The following RAB8B variants were observed in gnomAD, a reference collection of about 807,000 sequenced individuals.
RAB8B encodes the protein ras-related protein Rab-8B.
In RAB8B, 11 loss-of-function variants were observed where a neutral mutation model predicts 32.0. The ratio of observed to expected loss-of-function variants is 0.34; its 90% CI spans 0.22 to 0.57. The LOEUF (loss-of-function observed/expected upper bound fraction) is 0.57, where lower values mean the gene tolerates loss of function less well. RAB8B is among the 20% of genes least tolerant of loss of function. The probability of loss-of-function intolerance (pLI) is 0.86; values close to 1 mark genes in which losing one functional copy is unlikely to be tolerated. For synonymous variants in RAB8B, 103 were observed against 89.6 expected (o/e 1.15, Z -0.85); for missense variants, 190 against 258.5 (o/e 0.73, Z 1.82).
chr15:63,228,699 T>A (rs879062065), intron 1 of RAB8B, among the ~76,000 whole-genome samples: 7 of 152,228 alleles, frequency 4.6e-5, no homozygotes, highest in Admixed American at 2.0e-4. Flanking sequence ...AGATGGAGTG[T>A]GTGAATTAGT....
chr15:63,245,196 C>G (rs1192633607), intron 2 of RAB8B, among the ~76,000 whole-genome samples: 1 of 152,226 alleles, frequency 6.6e-6, no homozygotes, highest in African/African-American at 2.4e-5. Context: ...GATCTAGGTT[C>G]TAGCCAGGAT....
At chr15:63,209,439 A>T (rs1378527996) in intron 1 of RAB8B, among the ~76,000 whole-genome samples, 1 of 151,930 alleles carries the variant, frequency 6.6e-6, no homozygotes, top group Non-Finnish European at 1.5e-5. Context: ...AAAAATACAA[A>T]AATTAGCCAA....
chr15:63,190,124 C>G (rs1595729855), intron 1 of RAB8B, among the ~76,000 whole-genome samples: 1 of 143,010 alleles, frequency 7.0e-6, no homozygotes, highest in African/African-American at 2.7e-5. Context: ...GGATAGTGGA[C>G]GTGCCAATGA....
At position 63,190,076 on chromosome 15, in the gene RAB8B, TGGG is replaced by T. The variant is rs1298218422; in HGVS notation, c.124+332_124+334del. Among the ~76,000 whole-genome samples the T allele has an allele frequency of 3.6e-5, 5 of 139,506 alleles. No homozygotes were observed. The Admixed American group carries it at 3.8e-4, about 10-fold the overall frequency. 91.5% of individuals were successfully genotyped at this position (139,506 alleles called of 152,430 possible). On this transcript the variant is annotated intron_variant, in intron 1 of 7. Coordinates refer to ENST00000321437, the MANE Select transcript of RAB8B (RefSeq NM_016530.3). ...GGGGTCTTTGAGGGACAAAATGTGT[TGGG>T]GGGAAGACTCAGGAAATCTCATGTA...
chr15:63,242,798 C>G (rs2038043106), intron 1 of RAB8B, among the ~76,000 whole-genome samples: 1 of 152,108 alleles, frequency 6.6e-6, no homozygotes, highest in Non-Finnish European at 1.5e-5. Flanking sequence ...GCAGTGGTCC[C>G]CAACCTTTTT....
chr15:63,234,793 C>T (rs1344157681), intron 1 of RAB8B, among the ~76,000 whole-genome samples: 1 of 152,214 alleles, frequency 6.6e-6, no homozygotes, highest in African/African-American at 2.4e-5. Context: ...ACCTCCCACC[C>T]CAAGGGTGGG....
At position 63,213,258 on chromosome 15, in the gene RAB8B, A is replaced by C. The variant is rs373556436; in HGVS notation, c.124+23510A>C. 8.2e-4 allele frequency among the ~76,000 whole-genome samples: 125 copies of C among 152,290 alleles called. 1 individual carries two copies. The highest frequency in any genetic ancestry group is 2.9e-3 in the African/African-American group (120 of 41,556). On this transcript the variant is annotated intron_variant, in intron 1 of 7. Coordinates refer to ENST00000321437, the MANE Select transcript of RAB8B (RefSeq NM_016530.3). ...TTCTTCCTTCAAATAAAATCTGATA[A>C]GGACAAATGTCTTCTAGGTACTATT...
At chr15:63,225,168 A>G (rs1425782578) in intron 1 of RAB8B, among the ~76,000 whole-genome samples, 1 of 152,248 alleles carries the variant, frequency 6.6e-6, no homozygotes, top group African/African-American at 2.4e-5. Flanking sequence ...CTGCACTACC[A>G]AAGTTTGCTG....
At chr15:63,232,260 A>C (rs1181453505) in intron 1 of RAB8B, among the ~76,000 whole-genome samples, 1 of 152,190 alleles carries the variant, frequency 6.6e-6, no homozygotes, top group African/African-American at 2.4e-5. Flanking sequence ...TATTTCCCAG[A>C]GATATATTAA....
At chr15:63,258,104 T>G (rs922743255) in intron 5 of RAB8B, among the ~76,000 whole-genome samples, 2 of 151,668 alleles carry the variant, frequency 1.3e-5, no homozygotes, top group African/African-American at 2.4e-5. Context: ...AGTATAGTTT[T>G]TTTTTTTTTT....
intron 1 of RAB8B, among the ~76,000 whole-genome samples, chr15:63,242,741 G>A (rs1460873290): frequency 2.0e-5 from 3 of 152,094 alleles, no homozygotes; most frequent in East Asian, 1.9e-4. Context: ...TGTAATTTAC[G>A]TGTTTTCCTG....
intron 1 of RAB8B, among the ~76,000 whole-genome samples, chr15:63,195,128 G>T (rs1326381197): frequency 6.6e-6 from 1 of 152,150 alleles, no homozygotes; most frequent in East Asian, 1.9e-4. Context: ...ACAAAAATAT[G>T]CAAGGAACAT....
chr15:63,230,718 C>G (rs1450436876), intron 1 of RAB8B, among the ~76,000 whole-genome samples: 2 of 152,024 alleles, frequency 1.3e-5, no homozygotes, highest in African/African-American at 4.8e-5. Flanking sequence ...ATTTTAGAGA[C>G]AGGGCCTTGC....
At chr15:63,222,419 C>G (rs2037851877) in intron 1 of RAB8B, among the ~76,000 whole-genome samples, 1 of 152,132 alleles carries the variant, frequency 6.6e-6, no homozygotes, top group Non-Finnish European at 1.5e-5. Context: ...ATAGCCAGTT[C>G]CCTCTATTAA....
chr15:63,241,545 G>T (rs1256629544), intron 1 of RAB8B, among the ~76,000 whole-genome samples: 2 of 152,116 alleles, frequency 1.3e-5, no homozygotes, highest in Non-Finnish European at 2.9e-5. Context: ...ACACTGTGGT[G>T]CAACTGATCC....
In RAB8B at chr15:63,189,609, G is replaced by A. The variant is rs1365570113; in HGVS notation, c.-16G>A. On this transcript the variant is annotated 5_prime_UTR_variant, in exon 1 of 8. Transcript: ENST00000321437. ...CGCCTCCTCTGGCTCCCCGGTCAGA[G>A]GGCCGGAGCGAGAAGATGGCGAAGA... 2.5e-6 allele frequency: 4 copies of A among 1,613,076 alleles called. No homozygotes were observed. The highest frequency in any genetic ancestry group is 3.4e-6 in the Non-Finnish European group (4 of 1,179,602).
chr15:63,259,681 A>T lies in RAB8B; in HGVS notation c.469A>T (p.Asn157Tyr). 4 of 1,613,848 alleles carry T rather than the reference A, an allele frequency of 2.5e-6. No individual in the cohort carries two copies. The highest frequency in any genetic ancestry group is 3.4e-6 in the Non-Finnish European group (4 of 1,179,742). The change falls in exon 6 of 8, where the codon AAT becomes TAT. Residue 157 changes from asparagine (N) to tyrosine (Y), a missense_variant. Asn to Tyr is a moderately radical substitution (Grantham distance 143, BLOSUM62 -2). Coordinates refer to ENST00000321437, the MANE Select transcript of RAB8B (RefSeq NM_016530.3). The surrounding 1 kb of genome is among the most constrained non-coding windows in gnomAD (Gnocchi z 4.4). Reference protein sequence around the residue: ...FLETSAKSSANVEEAFFTLAR... With the variant: ...FLETSAKSSAYVEEAFFTLAR... Reference sequence around the variant, plus strand: ...GGAGACAAGCGCAAAATCCAGTGCAAATGTAGAAGAGGTAAGAAGGAAACG... The same window carrying T: ...GGAGACAAGCGCAAAATCCAGTGCATATGTAGAAGAGGTAAGAAGGAAACG...
chr15:63,250,201 C>T (rs1008741959), intron 3 of RAB8B, among the ~76,000 whole-genome samples: 3 of 152,192 alleles, frequency 2.0e-5, no homozygotes, highest in East Asian at 1.9e-4. Context: ...TGGTCTTCAT[C>T]GTAATAATCA....
intron 3 of RAB8B, among the ~76,000 whole-genome samples, chr15:63,254,003 A>C (rs1475999585): frequency 6.6e-6 from 1 of 152,226 alleles, no homozygotes; most frequent in Non-Finnish European, 1.5e-5. Context: ...CAATGTCCAG[A>C]CAGTGGTCTC....
Sources: gnomAD v4.1 joint callset for allele counts (sites outside exome capture counted in the v4.1 genomes callset) on GRCh38, gnomAD v4.1.1 for gene constraint, Gnocchi (gnomAD v3.1) non-coding constraint, MANE v1.5 for transcripts, NCBI Gene and HGNC (gene_info 2026-07-23, HGNC 2026-07-21) for gene names.